Variants in RIMS4 observed in about 807,000 individuals in gnomAD.
RIMS4 encodes the protein regulating synaptic membrane exocytosis protein 4.
In RIMS4, 9 loss-of-function variants were observed where a neutral mutation model predicts 29.0. The observed-to-expected ratio is 0.31, with a 90% CI of 0.19 to 0.54. The LOEUF is 0.54. Ranked by LOEUF, RIMS4 falls within the 20% of genes least tolerant of loss-of-function variation. The pLI is 0.94. For synonymous variants in RIMS4, 130 were observed against 152.9 expected (o/e 0.85, Z 1.10); for missense variants, 193 against 365.7 (o/e 0.53, Z 3.85).
At chr20:44,785,127 T>C (rs2066202239) in intron 1 of RIMS4, among the ~76,000 whole-genome samples, 1 of 152,094 alleles carries the variant, frequency 6.6e-6, no homozygotes, top group Non-Finnish European at 1.5e-5. Flanking sequence ...TGGGAGTGGA[T>C]AAAAGCTACT....
intron 1 of RIMS4, among the ~76,000 whole-genome samples, chr20:44,785,673 C>G (rs1321688063): frequency 6.6e-6 from 1 of 152,016 alleles, no homozygotes; most frequent in Admixed American, 6.6e-5. Flanking sequence ...CATCAGACAA[C>G]TTTCTGCTCC....
chr20:44,764,301 CA>C (rs1218398950), intron 2 of RIMS4, among the ~76,000 whole-genome samples: 2 of 150,216 alleles, frequency 1.3e-5, no homozygotes, highest in Non-Finnish European at 3.0e-5. Flanking sequence ...TCTGCTGTAA[CA>C]TGAAATATAC....
At chr20:44,782,644 A>T (rs2066189607) in intron 1 of RIMS4, among the ~76,000 whole-genome samples, 1 of 152,206 alleles carries the variant, frequency 6.6e-6, no homozygotes, top group Non-Finnish European at 1.5e-5. Flanking sequence ...CCCAGGGTGA[A>T]GGGGCAGGCC....
At chr20:44,767,634 G>A (rs1212299727) in intron 2 of RIMS4, among the ~76,000 whole-genome samples, 1 of 152,298 alleles carries the variant, frequency 6.6e-6, no homozygotes, top group Middle Eastern at 3.4e-3. Context: ...CCCAATGCCC[G>A]GATTTGAATC....
At chr20:44,801,953 G>C (rs983910696) in intron 1 of RIMS4, among the ~76,000 whole-genome samples, 5 of 152,112 alleles carry the variant, frequency 3.3e-5, no homozygotes, top group African/African-American at 1.2e-4. Flanking sequence ...TCTCAAGGTA[G>C]GGTCCCTGGA....
At chr20:44,800,684 C>T (rs1450686772) in intron 1 of RIMS4, among the ~76,000 whole-genome samples, 2 of 152,014 alleles carry the variant, frequency 1.3e-5, no homozygotes, top group Admixed American at 6.6e-5. Context: ...AAGTGTCCTA[C>T]CTTCTCTGGG....
At chr20:44,783,343 C>A (rs1177700232) in intron 1 of RIMS4, among the ~76,000 whole-genome samples, 1 of 152,142 alleles carries the variant, frequency 6.6e-6, no homozygotes, top group African/African-American at 2.4e-5. Flanking sequence ...CAGTACTGGG[C>A]CGGGCATGGT....
chr20:44,810,277 C>G lies in RIMS4; in HGVS notation c.-6G>C. ...CGGCTCTGCGAGCGCTCCATGCCCG[C>G]GCCGGCGCCGGGCGCCTCGGCCGCG... On this transcript the variant is annotated 5_prime_UTR_variant, in exon 1 of 6. Transcript: ENST00000372851. 1 of 1,156,282 alleles carries G rather than the reference C, an allele frequency of 8.6e-7. No homozygotes were observed. The highest frequency in any genetic ancestry group is 1.1e-6 in the Non-Finnish European group (1 of 922,444). The allele number at this position is 1,156,282 out of a possible 1,614,324, so 71.6% of individuals were successfully genotyped here.
intron 1 of RIMS4, among the ~76,000 whole-genome samples, chr20:44,775,996 T>C (rs1220263285): frequency 1.3e-5 from 2 of 152,156 alleles, no homozygotes; most frequent in Non-Finnish European, 2.9e-5. Context: ...TTTAAAACCT[T>C]AGCCAGGCGT....
At chr20:44,801,633 T>C (rs1268943557) in intron 1 of RIMS4, among the ~76,000 whole-genome samples, 1 of 152,226 alleles carries the variant, frequency 6.6e-6, no homozygotes, top group African/African-American at 2.4e-5. Flanking sequence ...CAGAGCTGTC[T>C]GGGTCCAATA....
chr20:44,797,208 T>G (rs2066258798), intron 1 of RIMS4, among the ~76,000 whole-genome samples: 1 of 152,238 alleles, frequency 6.6e-6, no homozygotes, highest in South Asian at 2.1e-4. Flanking sequence ...TCGGACTAAA[T>G]CCATCTTGCT....
At chr20:44,757,877 A>C in intron 3 of RIMS4, 106 bp from the exon 4 acceptor site, 1 of 1,106,110 alleles carries the variant, frequency 9.0e-7, no homozygotes, top group South Asian at 1.3e-5. Flanking sequence ...CCCTGCTCCC[A>C]GCCCAGAATA....
intron 2 of RIMS4, among the ~76,000 whole-genome samples, chr20:44,761,840 G>GT (rs371007585): frequency 2.6e-5 from 4 of 152,144 alleles, no homozygotes; most frequent in Non-Finnish European, 4.4e-5. Context: ...TGCAACAATG[G>GT]TTTTTTTATA....
intron 1 of RIMS4, among the ~76,000 whole-genome samples, chr20:44,777,399 AATTATGAAAACAGATTCT>A (rs2066164802): frequency 6.6e-6 from 1 of 152,228 alleles, no homozygotes; most frequent in African/African-American, 2.4e-5. Flanking sequence ...AACGATGATA[AATTATGAAAACAGATTCT>A]ATTGTTTTTA....
At chr20:44,771,529 C>T in intron 1 of RIMS4, 116 bp from the exon 2 acceptor site, 1 of 1,168,226 alleles carries the variant, frequency 8.6e-7, no homozygotes, top group East Asian at 2.4e-5. Flanking sequence ...CAGCTTCAGC[C>T]TCCACCCTCA....
rs570253835 is a variant in RIMS4 at position 44,778,511 on chromosome 20, A to G, written c.98-7098T>C. Reference sequence around the variant, plus strand: ...GGCAACATAGTGAGACCCTGCCTCTATAAAAAATTTGAAAATTACTAGCCC... The same window carrying G: ...GGCAACATAGTGAGACCCTGCCTCTGTAAAAAATTTGAAAATTACTAGCCC... On this transcript the variant is annotated intron_variant, in intron 1 of 5. Transcript: ENST00000372851. Among the ~76,000 whole-genome samples the G allele has an allele frequency of 9.3e-4, 141 of 152,306 alleles. 1 individual carries two copies. The highest frequency in any genetic ancestry group is 1.2e-3 in the Admixed American group (18 of 15,306).
chr20:44,761,901 GTATACCCAC>G (rs766882117), intron 2 of RIMS4, among the ~76,000 whole-genome samples: 1 of 152,172 alleles, frequency 6.6e-6, no homozygotes, highest in Non-Finnish European at 1.5e-5. Context: ...GGACTGAAAG[GTATACCCAC>G]TATTCTTGCA....
chr20:44,795,707 G>A (rs941952003), intron 1 of RIMS4, among the ~76,000 whole-genome samples: 2 of 152,182 alleles, frequency 1.3e-5, no homozygotes, highest in South Asian at 4.2e-4. Context: ...GAATGGAAGT[G>A]AAGTGTCAGA....
At chr20:44,792,421 T>C (rs1261822002) in intron 1 of RIMS4, among the ~76,000 whole-genome samples, 1 of 151,952 alleles carries the variant, frequency 6.6e-6, no homozygotes, top group African/African-American at 2.4e-5. Context: ...GCCTCCTGAG[T>C]AGCTGGGATT....
Sources: allele counts gnomAD v4.1 joint callset (sites outside exome capture counted in the v4.1 genomes callset), GRCh38; gene constraint gnomAD v4.1.1; transcripts MANE v1.5; gene names NCBI Gene and HGNC (gene_info 2026-07-23, HGNC 2026-07-21).